The following RORA variants were observed in gnomAD, a reference collection of about 807,000 sequenced individuals.
The protein encoded by RORA is nuclear receptor ROR-alpha.
A neutral mutation model predicts 69.5 loss-of-function variants in RORA; 7 were observed. The observed-to-expected ratio is 0.10, with a 90% confidence interval of 0.06 to 0.19. The LOEUF is 0.19. Ranked by LOEUF, RORA falls within the 10% of genes least tolerant of loss-of-function variation. The pLI, the probability that RORA is intolerant of heterozygous loss-of-function variation, is 1.00. For synonymous variants in RORA, 261 were observed against 240.8 expected (o/e 1.08, Z -0.78); for missense variants, 457 against 663.0 (o/e 0.69, Z 3.41).
intron 1 of RORA, among the ~76,000 whole-genome samples, chr15:60,808,516 A>C (rs769241151): frequency 2.0e-5 from 3 of 152,066 alleles, no homozygotes; most frequent in Non-Finnish European, 4.4e-5. Flanking sequence ...TTTCTTAAAG[A>C]ACTAAAGGTA....
intron 1 of RORA, among the ~76,000 whole-genome samples, chr15:60,779,380 C>A (rs1462493628): frequency 1.3e-5 from 2 of 152,166 alleles, no homozygotes; most frequent in Non-Finnish European, 2.9e-5. Context: ...CACCAATGGT[C>A]CATTTAAATG....
intron 1 of RORA, among the ~76,000 whole-genome samples, chr15:61,173,311 C>G (rs1208165197): frequency 6.6e-6 from 1 of 152,218 alleles, no homozygotes; most frequent in African/African-American, 2.4e-5. Flanking sequence ...ATGCTTTTAA[C>G]CACTGCACTG....
At chr15:60,675,631 G>A (rs1272682612) in intron 2 of RORA, among the ~76,000 whole-genome samples, 1 of 152,094 alleles carries the variant, frequency 6.6e-6, no homozygotes, top group Non-Finnish European at 1.5e-5. Context: ...TATGTCCATG[G>A]GCTCCTCTGA....
intron 1 of RORA, among the ~76,000 whole-genome samples, chr15:61,208,533 GTGAA>G (rs2079962220): frequency 1.3e-5 from 2 of 152,154 alleles, no homozygotes; most frequent in African/African-American, 4.8e-5. Context: ...CTTAAGATGG[GTGAA>G]TGTAATGGTA....
At chr15:60,931,069 G>A (rs1035671404) in intron 1 of RORA, among the ~76,000 whole-genome samples, 1 of 152,186 alleles carries the variant, frequency 6.6e-6, no homozygotes, top group African/African-American at 2.4e-5. Context: ...GGAAGAGGGG[G>A]AAGACCACAT....
At chr15:60,930,657 A>C (rs1393475481) in intron 1 of RORA, among the ~76,000 whole-genome samples, 3 of 152,206 alleles carry the variant, frequency 2.0e-5, no homozygotes, top group Non-Finnish European at 4.4e-5. Flanking sequence ...TCACTGAAGG[A>C]AGTTAGACTT....
chr15:60,811,168 C>G (rs778590706), intron 1 of RORA, among the ~76,000 whole-genome samples: 6 of 152,194 alleles, frequency 3.9e-5, no homozygotes, highest in Non-Finnish European at 7.3e-5. Context: ...GGATAATTGT[C>G]TAGCTCAGGA....
chr15:61,014,858 C>G (rs1895225154), intron 1 of RORA, among the ~76,000 whole-genome samples: 1 of 152,162 alleles, frequency 6.6e-6, no homozygotes, highest in Admixed American at 6.5e-5. Flanking sequence ...CTGCGACTTT[C>G]CTCCCTGGCA....
intron 1 of RORA, among the ~76,000 whole-genome samples, chr15:60,856,716 G>A (rs560621049): frequency 7.2e-5 from 11 of 152,332 alleles, no homozygotes; most frequent in South Asian, 2.1e-4. Context: ...GAGCAAGAGA[G>A]AAAGTGCTGC....
intron 1 of RORA, among the ~76,000 whole-genome samples, chr15:60,955,776 C>T (rs896140922): frequency 1.3e-5 from 2 of 152,168 alleles, no homozygotes; most frequent in Non-Finnish European, 2.9e-5. Flanking sequence ...ATGCTGACTT[C>T]CAATCCTGAC....
intron 1 of RORA, among the ~76,000 whole-genome samples, chr15:61,068,137 G>C (rs977460104): frequency 6.6e-6 from 1 of 152,232 alleles, no homozygotes; most frequent in Non-Finnish European, 1.5e-5. Context: ...CTCACCTCCA[G>C]TTGTAATTTG....
At chr15:61,171,024 A>G (rs1026522244) in intron 1 of RORA, among the ~76,000 whole-genome samples, 7 of 152,166 alleles carry the variant, frequency 4.6e-5, no homozygotes, top group African/African-American at 1.2e-4. Context: ...ATTTGGTCAG[A>G]TTGTTCAGCT....
chr15:60,569,717 G>C (rs1266079163), intron 2 of RORA, among the ~76,000 whole-genome samples: 1 of 152,158 alleles, frequency 6.6e-6, no homozygotes, highest in Non-Finnish European at 1.5e-5. Context: ...AACAGGGGAG[G>C]ATGAACAATA....
At chr15:60,700,467 C>G (rs2070966432) in intron 1 of RORA, among the ~76,000 whole-genome samples, 1 of 152,220 alleles carries the variant, frequency 6.6e-6, no homozygotes, top group Non-Finnish European at 1.5e-5. Flanking sequence ...AAACAGGAAT[C>G]CAAAGGACAT....
At chr15:60,862,952 C>T (rs970057292) in intron 1 of RORA, among the ~76,000 whole-genome samples, 1 of 152,116 alleles carries the variant, frequency 6.6e-6, no homozygotes, top group African/African-American at 2.4e-5. Flanking sequence ...AGGGGCTTTT[C>T]CTCTCTGCTG....
intron 1 of RORA, among the ~76,000 whole-genome samples, chr15:61,067,142 C>T (rs1460921709): frequency 1.3e-5 from 2 of 148,726 alleles, no homozygotes; most frequent in Non-Finnish European, 3.0e-5. Flanking sequence ...GACAGAGTCT[C>T]ACTCTGTCAC....
At chr15:61,112,448 G>C (rs1468531824) in intron 1 of RORA, among the ~76,000 whole-genome samples, 4 of 152,088 alleles carry the variant, frequency 2.6e-5, no homozygotes, top group Admixed American at 6.5e-5. Context: ...GCCTCCCCCA[G>C]GGGGAGTGGC....
At position 60,883,180 on chromosome 15, in the gene RORA, G is replaced by GAGAGAGAGAA. The variant is rs141598376; in HGVS notation, c.167-204495_167-204494insTTCTCTCTCT. ...AGAGAGAGAGAGAGAGAGAGAGAGA[G>GAGAGAGAGAA]AGAAAGAAAGAAAACCTATATAAAA... is the stretch of plus-strand genomic sequence containing the variant. On this transcript the variant is annotated intron_variant, in intron 1 of 10. Coordinates refer to ENST00000335670, the MANE Select transcript of RORA (RefSeq NM_134261.3). Among the ~76,000 whole-genome samples, 393 of 113,972 alleles carry GAGAGAGAGAA rather than the reference G, an allele frequency of 3.4e-3. 8 individuals carry two copies. The highest frequency in any genetic ancestry group is 0.013 in the African/African-American group (371 of 29,558). 74.8% of individuals were successfully genotyped at this position (113,972 alleles called of 152,430 possible). A position where few individuals can be genotyped will look rare whatever the true frequency, so the allele number is the denominator to read the frequency against.
At chr15:60,570,044 G>A (rs1439953708) in intron 2 of RORA, among the ~76,000 whole-genome samples, 1 of 152,188 alleles carries the variant, frequency 6.6e-6, no homozygotes, top group African/African-American at 2.4e-5. Flanking sequence ...GACAATGTGA[G>A]CGTGAGATCC....
Sources: gnomAD v4.1 joint callset for allele counts (sites outside exome capture counted in the v4.1 genomes callset) on GRCh38, gnomAD v4.1.1 for gene constraint, MANE v1.5 for transcripts, NCBI Gene and HGNC (gene_info 2026-07-23, HGNC 2026-07-21) for gene names.